The following MKRN2OS variants were observed in gnomAD, a reference collection of about 807,000 sequenced individuals.
The protein encoded by MKRN2OS is MKRN2 opposite strand, also known as MKRN2 opposite strand protein.
MKRN2OS carries 17 observed loss-of-function variants against 18.2 expected under a neutral mutation model. The observed-to-expected ratio is 0.93, with a 90% CI of 0.64 to 1.40. The LOEUF (loss-of-function observed/expected upper bound fraction) is 1.40. Ranked by LOEUF, MKRN2OS falls within the 40% of genes most tolerant of loss-of-function variation. The pLI is 0.00. For missense variants in MKRN2OS, 337 were observed against 283.0 expected (o/e 1.19, Z -1.37); for synonymous variants, 121 against 108.5 (o/e 1.12, Z -0.72).
rs1699340 is a variant in MKRN2OS at position 12,539,917 on chromosome 3, T to C, written c.*276A>G. 0.37 allele frequency: 143,003 copies of C among 381,384 alleles called. 27,612 individuals carry two copies. Among genetic ancestry groups the C allele is most frequent in the East Asian group, 0.53 (9,636 of 18,326 alleles). 23.6% of individuals were successfully genotyped at this position (381,384 alleles called of 1,614,324 possible). A position where few individuals can be genotyped will look rare whatever the true frequency, so the allele number is the denominator to read the frequency against. On this transcript the variant is annotated 3_prime_UTR_variant, in exon 4 of 4. Transcript: ENST00000564146. ...TCTCCTGCTTCAGCCTCCCTAGTAG[T>C]TGGGATTACAGGCATGCGCCACCAT... is the stretch of plus-strand genomic sequence containing the variant.
At chr3:12,547,107 C>CTAAA (rs201096393), upstream of MKRN2OS, among the ~76,000 whole-genome samples, 2,591 of 151,540 alleles carry the variant, frequency 0.017, 27 homozygotes, top group Non-Finnish European at 0.025. Flanking sequence ...GACCCTGTCT[C>CTAAA]TAAATAAATA....
chr3:12,539,965 A>T lies in MKRN2OS; in HGVS notation c.*228T>A. 2.0e-6 allele frequency: 1 copy of T among 510,872 alleles called. No individual in the cohort carries two copies. The highest frequency in any genetic ancestry group is 3.5e-6 in the Non-Finnish European group (1 of 286,124). 31.6% of individuals were successfully genotyped at this position (510,872 alleles called of 1,614,324 possible). A position where few individuals can be genotyped will look rare whatever the true frequency, so the allele number is the denominator to read the frequency against. ...CATGCCCAGCTAATTTTATATTTTT[A>T]GTAAGGACGGGGTTTCTCCATGTTG... On this transcript the variant is annotated 3_prime_UTR_variant, in exon 4 of 4. Transcript: ENST00000564146.
At chr3:12,543,747 C>G (rs555286534) in intron 1 of MKRN2OS, among the ~76,000 whole-genome samples, 26 of 151,808 alleles carry the variant, frequency 1.7e-4, no homozygotes, top group Admixed American at 1.5e-3. Context: ...CAAAAATTAG[C>G]TGGGCATGGT....
At position 12,555,933 on chromosome 3, in the gene MKRN2OS, C is replaced by T. The variant is rs541969820; in HGVS notation, n.265-1799G>A. Among the ~76,000 whole-genome samples, 4 of 152,280 alleles carry T rather than the reference C, an allele frequency of 2.6e-5. No individual in the cohort carries two copies. In the South Asian group the frequency reaches 8.3e-4, roughly 32 times the overall value. On this transcript the variant is annotated intron_variant and non_coding_transcript_variant, in intron 1 of 1. Transcript: ENST00000447550. ...GAACTATGATGGCGCCACTGCACTC[C>T]AGCCTGGGCGACAGAGCAAGACCCT...
intron 3 of MKRN2OS, among the ~76,000 whole-genome samples, chr3:12,540,810 G>GTT (rs2057792596): frequency 6.8e-6 from 1 of 147,134 alleles, no homozygotes; most frequent in Non-Finnish European, 1.5e-5. Flanking sequence ...GGAGGCAGAG[G>GTT]TTGCAGTAAG....
chr3:12,545,169 A>T, intron 1 of MKRN2OS, 78 bp downstream of exon 1: 2 of 1,202,094 alleles, frequency 1.7e-6, no homozygotes, highest in Non-Finnish European at 2.3e-6. Flanking sequence ...ATTATGTATT[A>T]AGAAAAGGAA....
upstream of MKRN2OS, among the ~76,000 whole-genome samples, chr3:12,547,005 G>A (rs2057890709): frequency 1.3e-5 from 2 of 152,198 alleles, no homozygotes; most frequent in Admixed American, 6.5e-5. Flanking sequence ...TTACTCAGGT[G>A]GCTGAGATGG....
chr3:12,556,940 G>C lies in MKRN2OS; in HGVS notation n.265-2806C>G, dbSNP rs1432355793. ...GGGACACCGAGAGCAGGGATGCCGGGACAGCCGGCCCGATCCCCGGTGCGG... is the reference window on the plus strand; with the variant it reads ...GGGACACCGAGAGCAGGGATGCCGGCACAGCCGGCCCGATCCCCGGTGCGG... On this transcript the variant is annotated intron_variant and non_coding_transcript_variant, in intron 1 of 1. Coordinates refer to the MKRN2OS transcript ENST00000447550. The C allele has an allele frequency of 1.8e-5, 8 of 440,290 alleles. No homozygotes were observed. The East Asian group carries it at 3.0e-4, about 17-fold the overall frequency. 27.3% of individuals were successfully genotyped at this position (440,290 alleles called of 1,614,324 possible).
intron 1 of MKRN2OS, among the ~76,000 whole-genome samples, chr3:12,554,931 C>T (rs2057955722): frequency 6.6e-6 from 1 of 152,174 alleles, no homozygotes; most frequent in Non-Finnish European, 1.5e-5. Context: ...AGACTTTTCA[C>T]TTTACGCTTT....
upstream of MKRN2OS, among the ~76,000 whole-genome samples, chr3:12,546,581 T>A (rs942844414): frequency 7.0e-6 from 1 of 142,698 alleles, no homozygotes. Context: ...TGGGATTTTT[T>A]TTTTTTTTTT....
At chr3:12,548,447 C>CAAA (rs1215377576), upstream of MKRN2OS, among the ~76,000 whole-genome samples, 31 of 19,092 alleles carry the variant, frequency 1.6e-3, 2 homozygotes, top group East Asian at 9.7e-3. Context: ...GACTCCGTCT[C>CAAA]AAAAAAAAAA....
chr3:12,540,532 A>G, intron 3 of MKRN2OS, 99 bp from the exon 4 acceptor site: 1 of 1,392,228 alleles, frequency 7.2e-7, no homozygotes, highest in Non-Finnish European at 9.8e-7. Flanking sequence ...GTGCCTCAGC[A>G]AGCAAGGCCC....
At chr3:12,550,450 A>T (rs941803171), upstream of MKRN2OS, among the ~76,000 whole-genome samples, 5 of 152,354 alleles carry the variant, frequency 3.3e-5, 1 homozygote, top group South Asian at 1.0e-3. Context: ...GGCAGAGTAC[A>T]GAGAATTTTT....
At chr3:12,549,438 TCA>T (rs1559382955), upstream of MKRN2OS, among the ~76,000 whole-genome samples, 3 of 151,974 alleles carry the variant, frequency 2.0e-5, no homozygotes, top group South Asian at 6.2e-4. Context: ...ATATGGGGTT[TCA>T]CCATGTTGGC....
upstream of MKRN2OS, among the ~76,000 whole-genome samples, chr3:12,547,341 C>G (rs566816810): frequency 1.3e-3 from 196 of 151,908 alleles, no homozygotes; most frequent in African/African-American, 4.4e-3. Context: ...CCCAGGAGTT[C>G]AAGACCAGCC....
chr3:12,545,634 A>G (rs11706408), upstream of MKRN2OS: 36,142 of 480,938 alleles, frequency 0.075, 1,477 homozygotes, highest in Non-Finnish European at 0.088. Context: ...AGGCCTCCCC[A>G]TAGACTGTAT....
chr3:12,546,739 A>C (rs888837320), upstream of MKRN2OS, among the ~76,000 whole-genome samples: 1 of 151,776 alleles, frequency 6.6e-6, no homozygotes, highest in Non-Finnish European at 1.5e-5. Context: ...CACCACACCC[A>C]GCTAATTTTT....
At chr3:12,540,791 G>A (rs2057791082) in intron 3 of MKRN2OS, among the ~76,000 whole-genome samples, 1 of 148,988 alleles carries the variant, frequency 6.7e-6, no homozygotes, top group Non-Finnish European at 1.5e-5. Flanking sequence ...AGAATTGTTT[G>A]AACCGGCGGG....
At chr3:12,549,574 G>T (rs1432219455), upstream of MKRN2OS, among the ~76,000 whole-genome samples, 1 of 152,030 alleles carries the variant, frequency 6.6e-6, no homozygotes, top group South Asian at 2.1e-4. Context: ...TTGAGACAGG[G>T]TCTTGCTCTG....
Sources: allele counts gnomAD v4.1 joint callset (sites outside exome capture counted in the v4.1 genomes callset), GRCh38; gene constraint gnomAD v4.1.1; transcripts MANE v1.5; gene names NCBI Gene and HGNC (gene_info 2026-07-23, HGNC 2026-07-21).